DOCK9: variants seen among roughly 807,000 people sequenced by gnomAD.
The protein encoded by DOCK9 is dedicator of cytokinesis protein 9.
A neutral mutation model predicts 263.3 loss-of-function variants in DOCK9; 89 were observed. The ratio of observed to expected loss-of-function variants is 0.34; its 90% CI spans 0.28 to 0.40. The LOEUF is 0.40. DOCK9 is among the 10% of genes least tolerant of loss of function. The pLI is 1.00. For missense variants in DOCK9, 2,140 were observed against 2,603.4 expected, an observed-to-expected ratio of 0.82 and a Z score of 3.87; for synonymous variants, 976 against 973.1, an observed-to-expected ratio of 1.00 and a Z score of -0.06.
chr13:98,918,888 G>A (rs2140006827), intron 7 of DOCK9, among the ~76,000 whole-genome samples: 1 of 152,250 alleles, frequency 6.6e-6, no homozygotes, highest in South Asian at 2.1e-4. Context: ...CAGGTGTGTG[G>A]GGCAGGAAAG....
rs1888756449 is a variant in DOCK9 at position 99,044,387 on chromosome 13, A to T, written c.129+41836T>A. Among the ~76,000 whole-genome samples the T allele has an allele frequency of 2.0e-5, 3 of 152,336 alleles. No individual in the cohort carries two copies. The South Asian group carries it at 6.2e-4, about 32-fold the overall frequency. On this transcript the variant is annotated intron_variant, in intron 1 of 32. Coordinates refer to the DOCK9 transcript ENST00000427887. ...TACAGTAGGACATCAATAAATGCTT[A>T]TTGTGAAGTTCTTGAAGCAGCAGAT...
intron 35 of DOCK9, among the ~76,000 whole-genome samples, chr13:98,852,802 T>C (rs180702099): frequency 2.6e-4 from 40 of 152,350 alleles, no homozygotes; most frequent in African/African-American, 9.6e-4. Context: ...TTGCAAGCCT[T>C]ATACGGTCCA....
At chr13:98,861,153 T>A (rs2093857179) in intron 32 of DOCK9, among the ~76,000 whole-genome samples, 1 of 152,216 alleles carries the variant, frequency 6.6e-6, no homozygotes, top group Non-Finnish European at 1.5e-5. Context: ...TGAAATGTAA[T>A]GTTGTACAGG....
At position 98,922,109 on chromosome 13, in the gene DOCK9, G is replaced by A; in HGVS notation, c.524C>T (p.Thr175Ile). The A allele has an allele frequency of 6.2e-7, 1 of 1,601,750 alleles. No individual in the cohort carries two copies. The highest frequency in any genetic ancestry group is 8.5e-7 in the Non-Finnish European group (1 of 1,174,548). The change falls in exon 6 of 53, where the codon ACC becomes ATC. Residue 175 changes from threonine (T) to isoleucine (I), a missense_variant. This residue lies in a region of DOCK9 where 1,521 missense variants were observed against 1,741.7 expected (regional missense o/e 0.87). Transcript: ENST00000682017. ...ASLGSQKGGI[T>I]KHGWLYKGNM... ...GCCTTTGTACAGCCAGCCATGCTTG[G>A]TGATCCCACCCTTCTGGGAACCAAG...
chr13:99,051,135 T>C (rs2040674281), intron 1 of DOCK9, among the ~76,000 whole-genome samples: 1 of 152,166 alleles, frequency 6.6e-6, no homozygotes, highest in South Asian at 2.1e-4. Flanking sequence ...TCCTCCACTG[T>C]CACCTGAAGC....
At chr13:98,902,230 TTTAGGTAGCATGCA>T (rs1461800761) in intron 12 of DOCK9, 44 bp downstream of exon 12, 6 of 1,580,266 alleles carry the variant, frequency 3.8e-6, no homozygotes, top group Non-Finnish European at 5.2e-6. Flanking sequence ...TTTTGGTGCA[TTTAGGTAGCATGCA>T]AAGTGAGTCT....
At chr13:98,975,283 A>T (rs2060136235) in intron 1 of DOCK9, among the ~76,000 whole-genome samples, 1 of 151,442 alleles carries the variant, frequency 6.6e-6, no homozygotes. Flanking sequence ...GGAGGCTTGA[A>T]CCCAGGAGAC....
rs1160335442 is a variant in DOCK9, at chr13:99,008,232, ATAT to A, written c.130-52684_130-52682del. Among the ~76,000 whole-genome samples, 330 of 103,384 alleles carry A rather than the reference ATAT, an allele frequency of 3.2e-3. 4 individuals carry two copies. The highest frequency in any genetic ancestry group is 0.021 in the East Asian group (80 of 3,798). The allele number at this position is 103,384 out of a possible 152,430, so 67.8% of individuals were successfully genotyped here. A position where few individuals can be genotyped will look rare whatever the true frequency, so the allele number is the denominator to read the frequency against. ...TCTCTCTATATATATATATATATAT[ATAT>A]TTTTTTTTTTTTTTGAGACGAAGTC... On this transcript the variant is annotated intron_variant, in intron 1 of 32. Coordinates refer to the DOCK9 transcript ENST00000427887.
At chr13:99,000,360 G>A (rs1882044369) in intron 1 of DOCK9, among the ~76,000 whole-genome samples, 1 of 152,164 alleles carries the variant, frequency 6.6e-6, no homozygotes, top group Non-Finnish European at 1.5e-5. Flanking sequence ...AGGATGTTAG[G>A]ACCAGCAATG....
At chr13:98,979,215 AGT>A (rs1876317992), upstream of DOCK9, among the ~76,000 whole-genome samples, 1 of 130,032 alleles carries the variant, frequency 7.7e-6, no homozygotes, top group Non-Finnish European at 1.6e-5. Flanking sequence ...TAGTAGTAGT[AGT>A]AGTAGTAGTA....
chr13:98,885,158 A>T, intron 20 of DOCK9, 66 bp from the exon 21 acceptor site: 1 of 1,584,604 alleles, frequency 6.3e-7, no homozygotes, highest in African/African-American at 1.4e-5. Context: ...TATGAAAGCA[A>T]GCCAATGTAA....
intron 3 of DOCK9, among the ~76,000 whole-genome samples, chr13:98,928,890 A>C (rs2053478067): frequency 6.6e-6 from 1 of 152,210 alleles, no homozygotes; most frequent in Admixed American, 6.5e-5. Flanking sequence ...TATAGTGGCA[A>C]AGGAGGTAAG....
chr13:98,829,406 C>T lies in DOCK9; in HGVS notation c.4866G>A (p.Gln1622=), dbSNP rs767747841. 1.9e-6 allele frequency: 3 copies of T among 1,613,954 alleles called. No individual in the cohort carries two copies. The East Asian group carries it at 6.7e-5, about 36-fold the overall frequency. Residue 1622 remains glutamine, a synonymous_variant, in exon 43 of 53, where the codon CAG becomes CAA. Coordinates refer to ENST00000682017, the MANE Select transcript of DOCK9 (RefSeq NM_001366683.2). This position sits in a 1 kb window ranked among gnomAD's most constrained non-coding sequence, Gnocchi z 4.1. ...ENDPEMLVDL[Q]YSLAKSYAST... is the part of the protein sequence containing the mutation. ...TGGCATAGGATTTGGCCAGGCTGTA[C>T]TGGAGGTCCACCAGCATCTCTGGGT... is the stretch of plus-strand genomic sequence containing the variant.
chr13:98,921,945 C>A, intron 6 of DOCK9, 106 bp downstream of exon 6: 1 of 1,005,370 alleles, frequency 9.9e-7, no homozygotes. Context: ...GACAATGTCC[C>A]TTTTGTGGGG....
chr13:99,014,864 C>T (rs1394342916), intron 1 of DOCK9, among the ~76,000 whole-genome samples: 1 of 152,202 alleles, frequency 6.6e-6, no homozygotes, highest in Non-Finnish European at 1.5e-5. Flanking sequence ...ACGGAAGTGT[C>T]ATGTCAAACT....
chr13:98,960,892 T>C (rs2058558463), intron 1 of DOCK9, among the ~76,000 whole-genome samples: 1 of 152,232 alleles, frequency 6.6e-6, no homozygotes, highest in Non-Finnish European at 1.5e-5. Flanking sequence ...GTACTGAGCC[T>C]TCTCAAGGTT....
At chr13:98,951,534 G>A (rs1359942536) in intron 2 of DOCK9, among the ~76,000 whole-genome samples, 1 of 152,232 alleles carries the variant, frequency 6.6e-6, no homozygotes, top group African/African-American at 2.4e-5. Context: ...GGGGCGGGAT[G>A]CCTGCGTGCA....
chr13:98,842,540 G>A (rs911040494), intron 38 of DOCK9, among the ~76,000 whole-genome samples: 5 of 152,174 alleles, frequency 3.3e-5, no homozygotes, highest in African/African-American at 9.6e-5. Flanking sequence ...AGAACAACAC[G>A]ACATCAAAGT....
chr13:98,846,133 T>C (rs1445750439), intron 37 of DOCK9, 73 bp from the exon 38 acceptor site: 4 of 1,513,914 alleles, frequency 2.6e-6, no homozygotes, highest in African/African-American at 1.4e-5. Context: ...GGAGTGTTAG[T>C]GAAGCCAGAA....
Sources: allele counts gnomAD v4.1 joint callset (sites outside exome capture counted in the v4.1 genomes callset), GRCh38; gene constraint gnomAD v4.1.1; regional missense constraint gnomAD v4.1.1; non-coding constraint Gnocchi (gnomAD v3.1); transcripts MANE v1.5; gene names NCBI Gene and HGNC (gene_info 2026-07-23, HGNC 2026-07-21).